Variants in PRR14L observed in about 807,000 individuals in gnomAD.
PRR14L encodes proline rich 14 like, also known as protein PRR14L.
PRR14L carries 80 observed loss-of-function variants against 155.0 expected under a neutral mutation model. The ratio of observed to expected loss-of-function variants is 0.52; its 90% confidence interval spans 0.43 to 0.62. The LOEUF (loss-of-function observed/expected upper bound fraction) is 0.62. Among genes scored for constraint, PRR14L ranks in the 20% least tolerant of loss-of-function variants. The pLI, the probability that PRR14L is intolerant of heterozygous loss-of-function variation, is 0.00. For missense variants in PRR14L, 2,469 were observed against 2,548.0 expected, an observed-to-expected ratio of 0.97 and a Z score of 0.67; for synonymous variants, 883 against 916.0, an observed-to-expected ratio of 0.96 and a Z score of 0.65.
intron 2 of PRR14L, among the ~76,000 whole-genome samples, chr22:31,728,004 T>C (rs2074726845): frequency 1.3e-5 from 2 of 148,554 alleles, no homozygotes; most frequent in Non-Finnish European, 1.5e-5. Flanking sequence ...AGAAAAGAAA[T>C]TGAATCAATC....
chr22:31,704,373 A>C (rs559572971), intron 5 of PRR14L: 1 of 277,114 alleles, frequency 3.6e-6, no homozygotes, highest in Non-Finnish European at 6.9e-6. Context: ...TTGGCTGTTA[A>C]GACATGAAAT....
chr22:31,685,460 A>C lies in PRR14L; in HGVS notation c.*67T>G. The C allele has an allele frequency of 2.1e-6, 3 of 1,405,988 alleles. No homozygotes were observed. In the South Asian group the frequency reaches 4.3e-5, roughly 20 times the overall value. 87.1% of individuals were successfully genotyped at this position (1,405,988 alleles called of 1,614,324 possible). A position where few individuals can be genotyped will look rare whatever the true frequency, so the allele number is the denominator to read the frequency against. ...TTTTCCAAGGAGGTCCAAAAAAAAA[A>C]AAAAAACCCAAAAACAAAACAAAAC... On this transcript the variant is annotated 3_prime_UTR_variant, in exon 9 of 9. Coordinates refer to ENST00000327423, the MANE Select transcript of PRR14L (RefSeq NM_173566.3).
chr22:31,721,240 T>C (rs1369250343), intron 3 of PRR14L, among the ~76,000 whole-genome samples: 3 of 152,240 alleles, frequency 2.0e-5, no homozygotes, highest in Non-Finnish European at 4.4e-5. Flanking sequence ...CCACTTCTCA[T>C]GTGTCTGCCC....
rs559724691 is a variant in PRR14L at position 31,723,484 on chromosome 22, T to A, written c.547+2054A>T. On this transcript the variant is annotated intron_variant, in intron 3 of 8. Transcript: ENST00000327423. ...GTGTAGTTCAACAGACAGTAAATTCTGTGGTAAGATGTGGGTGAAAATATA... is the reference window on the plus strand; with the variant it reads ...GTGTAGTTCAACAGACAGTAAATTCAGTGGTAAGATGTGGGTGAAAATATA... Among the ~76,000 whole-genome samples, 39 of 152,340 alleles carry A rather than the reference T, an allele frequency of 2.6e-4. No individual in the cohort carries two copies. In the South Asian group the frequency reaches 7.7e-3, roughly 30 times the overall value.
chr22:31,745,843 T>TAA lies in PRR14L; in HGVS notation c.-52+4148_-52+4149dup, dbSNP rs755650797. On this transcript the variant is annotated intron_variant, in intron 1 of 8. Coordinates refer to ENST00000327423, the MANE Select transcript of PRR14L (RefSeq NM_173566.3). ...GCCTGGGTGAGAGGGAGACTCAGTT[T>TAA]AAAAAAAAAAAAAAAAAAATATATA... Among the ~76,000 whole-genome samples, 25 of 133,766 alleles carry TAA rather than the reference T, an allele frequency of 1.9e-4. 1 individual carries two copies. The highest frequency in any genetic ancestry group is 4.2e-4 in the East Asian group (2 of 4,794). 87.8% of individuals were successfully genotyped at this position (133,766 alleles called of 152,430 possible). A position where few individuals can be genotyped will look rare whatever the true frequency, so the allele number is the denominator to read the frequency against.
Position 31,717,164 on chromosome 22 carries a change from T to C in PRR14L, c.675A>G (p.Ser225=), listed in dbSNP as rs1485727891. The change falls in exon 4 of 9, where the codon TCA becomes TCG. Residue 225 remains serine, a synonymous_variant. Coordinates refer to ENST00000327423, the MANE Select transcript of PRR14L (RefSeq NM_173566.3). The part of the protein sequence containing the change: ...HKNGNVSKDL[S]AGCGEFQEVD... The stretch of plus-strand genomic sequence containing the variant: ...CTTCTTGGAATTCACCGCATCCAGC[T>C]GAGAGATCTTTACTCACATTGCCAT... The C allele has an allele frequency of 6.4e-7, 1 of 1,552,232 alleles. No homozygotes were observed. Among genetic ancestry groups the C allele is most frequent in the Non-Finnish European group, 8.7e-7 (1 of 1,147,150 alleles).
In PRR14L at chr22:31,713,619, C is replaced by T. The variant is rs773119037; in HGVS notation, c.4220G>A (p.Arg1407His). 2.4e-5 allele frequency: 38 copies of T among 1,551,624 alleles called. No individual in the cohort carries two copies. Among genetic ancestry groups the T allele is most frequent in the African/African-American group, 9.6e-5 (7 of 72,966 alleles). The part of the protein sequence containing the change: ...YMLQKEEKYI[R>H]QQKAHTISQQ... ...CGATATCGTATGTGCTTTTTGTTGA[C>T]GTATATATTTCTCTTCTTTCTGCAA... The change falls in exon 4 of 9, where the codon CGT becomes CAT. Residue 1407 changes from arginine (R) to histidine (H), a missense_variant. Coordinates refer to ENST00000327423, the MANE Select transcript of PRR14L (RefSeq NM_173566.3).
chr22:31,743,357 GTTTC>G (rs942245779), intron 1 of PRR14L, among the ~76,000 whole-genome samples: 2 of 152,106 alleles, frequency 1.3e-5, no homozygotes, highest in African/African-American at 4.8e-5. Context: ...GGGACACAGA[GTTTC>G]TTTCTTGAGT....
rs1395293252 is a variant in PRR14L at position 31,716,642 on chromosome 22, C to T, written c.1197G>A (p.Glu399=). Residue 399 remains glutamate (E), a synonymous_variant, in exon 4 of 9, where the codon GAG becomes GAA. Coordinates refer to ENST00000327423, the MANE Select transcript of PRR14L (RefSeq NM_173566.3). ...CACTCCTAGGAATCAAAAGCCGTTC[C>T]TCATTTTCTTCTCTAGAAGCCAAGT... is the stretch of plus-strand genomic sequence containing the variant. The part of the protein sequence containing the change: ...GKNLASREEN[E]ERLLIPRSER... The T allele has an allele frequency of 7.7e-6, 12 of 1,552,028 alleles. No homozygotes were observed. The highest frequency in any genetic ancestry group is 2.4e-5 in the East Asian group (1 of 40,924).
At chr22:31,698,127 C>T (rs1380357073) in intron 7 of PRR14L, among the ~76,000 whole-genome samples, 3 of 151,048 alleles carry the variant, frequency 2.0e-5, no homozygotes, top group African/African-American at 4.9e-5. Flanking sequence ...CGGGTTCAAG[C>T]GATTCTCCTG....
At chr22:31,728,613 A>AG (rs951544102) in intron 2 of PRR14L, among the ~76,000 whole-genome samples, 1 of 151,720 alleles carries the variant, frequency 6.6e-6, no homozygotes, top group African/African-American at 2.4e-5. Flanking sequence ...CATCTCGAAA[A>AG]AAAAAAAAAA....
At position 31,738,431 on chromosome 22, in the gene PRR14L, G is replaced by A. The variant is rs908447568; in HGVS notation, c.430C>T (p.His144Tyr). ...EPSEGAKEDP[H>Y]QHSTAAEEKT... The stretch of plus-strand genomic sequence containing the variant: ...TCTTCAGCAGCTGTGGAATGTTGAT[G>A]TGGATCTTCCTTTGCTCCCTCAGAG... The change falls in exon 2 of 9, where the codon CAT becomes TAT. Residue 144 changes from histidine to tyrosine, a missense_variant. Physicochemically the swap from His to Tyr is moderately conservative, Grantham distance 83. This residue lies in a region of PRR14L where 2,363 missense variants were observed against 2,371.6 expected (regional missense o/e 1.00). Transcript: ENST00000327423. The A allele has an allele frequency of 1.3e-6, 2 of 1,552,262 alleles. No individual in the cohort carries two copies. The highest frequency in any genetic ancestry group is 2.7e-5 in the African/African-American group (2 of 73,050).
chr22:31,734,061 C>T (rs2074765749), intron 2 of PRR14L, among the ~76,000 whole-genome samples: 1 of 152,166 alleles, frequency 6.6e-6, no homozygotes, highest in Admixed American at 6.6e-5. Flanking sequence ...CAACCTCTGC[C>T]TCCCAGTTTC....
chr22:31,705,008 C>T (rs2074582349), intron 4 of PRR14L, among the ~76,000 whole-genome samples: 1 of 152,092 alleles, frequency 6.6e-6, no homozygotes, highest in African/African-American at 2.4e-5. Flanking sequence ...GCCTATAATC[C>T]CAGCACTTTG....
rs554707623 is a variant in PRR14L, at chr22:31,681,682, G to A, written c.*3845C>T. 1 of 152,246 alleles carries A rather than the reference G, an allele frequency of 6.6e-6. No individual in the cohort carries two copies. The highest frequency in any genetic ancestry group is 2.1e-4 in the South Asian group (1 of 4,828). The allele number at this position is 152,246 out of a possible 1,614,324, so 9.4% of individuals were successfully genotyped here. A position where few individuals can be genotyped will look rare whatever the true frequency, so the allele number is the denominator to read the frequency against. ...TGCACTAGATGGCCAGCTCAACGGGGACCCCCTTTCATCATCAAAATAGCT... is the reference window on the plus strand; with the variant it reads ...TGCACTAGATGGCCAGCTCAACGGGAACCCCCTTTCATCATCAAAATAGCT... On this transcript the variant is annotated 3_prime_UTR_variant, in exon 9 of 9. Coordinates refer to ENST00000327423, the MANE Select transcript of PRR14L (RefSeq NM_173566.3).
intron 2 of PRR14L, among the ~76,000 whole-genome samples, chr22:31,737,146 C>A (rs1453474961): frequency 1.3e-5 from 2 of 151,900 alleles, no homozygotes; most frequent in Admixed American, 6.6e-5. Flanking sequence ...GAAAACCACC[C>A]TGTGGAGAGA....
chr22:31,708,520 T>G (rs1251272656), intron 4 of PRR14L, among the ~76,000 whole-genome samples: 5 of 151,568 alleles, frequency 3.3e-5, no homozygotes, highest in Non-Finnish European at 7.4e-5. Context: ...AGAGACGAGG[T>G]TTCACCATGT....
chr22:31,712,005 C>G lies in PRR14L; in HGVS notation c.5756+78G>C. On this transcript the variant is annotated intron_variant, in intron 4 of 8. Transcript: ENST00000327423. ...GAGGACTCTAAATAGCCTTGCATTT[C>G]CCGCAGTTCCCCTCTCATCTCCCCA... The G allele has an allele frequency of 3.0e-6, 4 of 1,334,120 alleles. No individual in the cohort carries two copies. In the South Asian group the frequency reaches 4.2e-5, roughly 14 times the overall value. 82.6% of individuals were successfully genotyped at this position (1,334,120 alleles called of 1,614,324 possible). A position where few individuals can be genotyped will look rare whatever the true frequency, so the allele number is the denominator to read the frequency against.
At chr22:31,705,081 G>A (rs1297235660) in intron 4 of PRR14L, among the ~76,000 whole-genome samples, 3 of 152,010 alleles carry the variant, frequency 2.0e-5, no homozygotes, top group African/African-American at 7.3e-5. Flanking sequence ...GCAACATGGC[G>A]AGACCTTGTT....
Sources: gnomAD v4.1 joint callset for allele counts (sites outside exome capture counted in the v4.1 genomes callset) on GRCh38, gnomAD v4.1.1 for gene constraint, gnomAD v4.1.1 regional missense constraint, MANE v1.5 for transcripts, NCBI Gene and HGNC (gene_info 2026-07-23, HGNC 2026-07-21) for gene names.